WDR72: variants seen among roughly 807,000 people sequenced by gnomAD.
WDR72 encodes WD repeat-containing protein 72.
Under a neutral mutation model 124.2 loss-of-function variants are expected in WDR72, and 120 were observed. The ratio of observed to expected loss-of-function variants is 0.97; its 90% confidence interval spans 0.83 to 1.12. WDR72 has a LOEUF of 1.12. Ranked by LOEUF, WDR72 falls within the 50% of genes most tolerant of loss-of-function variation. The pLI, the probability that WDR72 is intolerant of heterozygous loss-of-function variation, is 0.00. For synonymous variants in WDR72, 452 were observed against 441.7 expected (o/e 1.02, Z -0.29); for missense variants, 1,387 against 1,278.8 (o/e 1.08, Z -1.29).
intron 1 of WDR72, among the ~76,000 whole-genome samples, chr15:53,755,084 A>G (rs906803233): frequency 1.3e-5 from 2 of 152,204 alleles, no homozygotes; most frequent in Admixed American, 1.3e-4. Flanking sequence ...TTCTATATAC[A>G]TCAACATGGA....
intron 14 of WDR72, among the ~76,000 whole-genome samples, chr15:53,651,163 A>T (rs954996000): frequency 1.1e-4 from 17 of 151,920 alleles, no homozygotes; most frequent in African/African-American, 4.1e-4. Flanking sequence ...TTCCTACTTT[A>T]GGCCTTCTGT....
chr15:53,674,486 A>G (rs551865308), intron 13 of WDR72, among the ~76,000 whole-genome samples: 2 of 152,338 alleles, frequency 1.3e-5, no homozygotes, highest in South Asian at 4.1e-4. Flanking sequence ...CAGGAAATGT[A>G]TAACTGATGG....
chr15:53,597,249 A>G lies in WDR72; in HGVS notation c.2978T>C (p.Leu993Pro), dbSNP rs1331446648. ...CATGTGTTGTTGAACTTCCGCCAAGAGAACAGCTTGTATTGCTTCAGTTAC... is the reference window on the plus strand; with the variant it reads ...CATGTGTTGTTGAACTTCCGCCAAGGGAACAGCTTGTATTGCTTCAGTTAC... ...VQVTEAIQAV[L>P]LAEVQQHMKS... The change falls in exon 18 of 20, where the codon CTC becomes CCC. Residue 993 changes from leucine to proline, a missense_variant. By Grantham distance (98) the Leu-to-Pro change is moderately conservative. Transcript: ENST00000360509. 1 of 1,613,698 alleles carries G rather than the reference A, an allele frequency of 6.2e-7. No homozygotes were observed. Among genetic ancestry groups the G allele is most frequent in the Admixed American group, 1.7e-5 (1 of 59,946 alleles).
At chr15:53,664,462 C>T (rs935596940) in intron 14 of WDR72, among the ~76,000 whole-genome samples, 1 of 151,514 alleles carries the variant, frequency 6.6e-6, no homozygotes, top group African/African-American at 2.5e-5. Context: ...AACTCTACTG[C>T]TTTGAGGCAT....
At chr15:53,734,250 T>C (rs2018285926) in intron 1 of WDR72, among the ~76,000 whole-genome samples, 1 of 152,180 alleles carries the variant, frequency 6.6e-6, no homozygotes, top group Admixed American at 6.5e-5. Context: ...ATTCAGTATC[T>C]AGTTCCCCAT....
At chr15:53,746,893 C>T (rs534129953) in intron 1 of WDR72, among the ~76,000 whole-genome samples, 1 of 152,158 alleles carries the variant, frequency 6.6e-6, no homozygotes, top group Non-Finnish European at 1.5e-5. Flanking sequence ...ATAGATAGGA[C>T]AGCAGAGTAA....
At chr15:53,647,411 GATC>G (rs1379033895) in intron 14 of WDR72, among the ~76,000 whole-genome samples, 1 of 151,974 alleles carries the variant, frequency 6.6e-6, no homozygotes, top group African/African-American at 2.4e-5. Context: ...AAGAAAATTA[GATC>G]ATCCATAATT....
chr15:53,709,818 T>G (rs971431159), intron 9 of WDR72, among the ~76,000 whole-genome samples: 2 of 152,206 alleles, frequency 1.3e-5, no homozygotes, highest in African/African-American at 4.8e-5. Flanking sequence ...ACCTCACAGA[T>G]ATGTTAAAGG....
chr15:53,607,768 G>A (rs996407561), intron 17 of WDR72, among the ~76,000 whole-genome samples: 11 of 151,912 alleles, frequency 7.2e-5, no homozygotes, highest in African/African-American at 2.7e-4. Flanking sequence ...TCTGACAAGG[G>A]ATTAATACCC....
chr15:53,730,565 G>C (rs1032858025), intron 2 of WDR72, among the ~76,000 whole-genome samples: 1 of 152,142 alleles, frequency 6.6e-6, no homozygotes, highest in African/African-American at 2.4e-5. Context: ...GAGGGGGAAA[G>C]AACTTTCCAA....
At chr15:53,531,676 T>C (rs1187389700) in intron 18 of WDR72, among the ~76,000 whole-genome samples, 1 of 151,970 alleles carries the variant, frequency 6.6e-6, no homozygotes, top group Non-Finnish European at 1.5e-5. Flanking sequence ...AACATGCACG[T>C]GGATAAAGGG....
intron 1 of WDR72, chr15:53,759,354 G>A (rs1352387320): frequency 6.6e-6 from 1 of 152,246 alleles, no homozygotes; most frequent in African/African-American, 2.4e-5. Flanking sequence ...TGCGAGATGA[G>A]CGGCTTTGTT....
chr15:53,673,245 C>T (rs2016054887), intron 13 of WDR72, among the ~76,000 whole-genome samples: 1 of 152,118 alleles, frequency 6.6e-6, no homozygotes, highest in Non-Finnish European at 1.5e-5. Context: ...AAATTACATA[C>T]TTCCTCCTAC....
At chr15:53,718,756 T>C (rs967031106) in intron 3 of WDR72, among the ~76,000 whole-genome samples, 3 of 141,102 alleles carry the variant, frequency 2.1e-5, no homozygotes, top group African/African-American at 9.5e-5. Context: ...TTTTAAAACC[T>C]TAATAAATTT....
intron 1 of WDR72, among the ~76,000 whole-genome samples, chr15:53,757,448 C>T (rs1353253473): frequency 3.9e-5 from 6 of 151,978 alleles, no homozygotes; most frequent in African/African-American, 1.5e-4. Flanking sequence ...CATAGTGAAA[C>T]CCCACCTCTA....
intron 14 of WDR72, among the ~76,000 whole-genome samples, chr15:53,660,285 T>C (rs1234832729): frequency 6.6e-6 from 1 of 152,102 alleles, no homozygotes; most frequent in Non-Finnish European, 1.5e-5. Flanking sequence ...TGGTAACATG[T>C]AGTATTGCCA....
chr15:53,593,293 G>GATTT, intron 18 of WDR72, among the ~76,000 whole-genome samples: 2 of 152,102 alleles, frequency 1.3e-5, no homozygotes, highest in Non-Finnish European at 2.9e-5. Context: ...ACTGATTTAG[G>GATTT]GCAAATTTCT....
Position 53,706,050 on chromosome 15 carries a change from C to A in WDR72, c.979G>T (p.Gly327Cys). ...NKEQSRPFVM[G>C]YMNERKEPFY... Reference sequence around the variant, plus strand: ...GGCTCTTTCCTTTCATTCATGTAGCCCATAACAAAGGGACGGCTCTGTTCC... The same window carrying A: ...GGCTCTTTCCTTTCATTCATGTAGCACATAACAAAGGGACGGCTCTGTTCC... The change falls in exon 10 of 20, where the codon GGC (glycine) becomes TGC (cysteine). Residue 327 changes from glycine (G) to cysteine (C), a missense_variant. Physicochemically the swap from Gly to Cys is radical, Grantham distance 159. Transcript: ENST00000360509. 2 of 1,613,830 alleles carry A rather than the reference C, an allele frequency of 1.2e-6. No individual in the cohort carries two copies. Among genetic ancestry groups the A allele is most frequent in the Non-Finnish European group, 8.5e-7 (1 of 1,179,948 alleles).
intron 18 of WDR72, among the ~76,000 whole-genome samples, chr15:53,528,392 A>G (rs913277648): frequency 1.3e-5 from 2 of 152,058 alleles, no homozygotes; most frequent in Non-Finnish European, 2.9e-5. Flanking sequence ...AATGCCCCCA[A>G]TTAAATTAGG....
Sources: allele counts gnomAD v4.1 joint callset (sites outside exome capture counted in the v4.1 genomes callset), GRCh38; gene constraint gnomAD v4.1.1; transcripts MANE v1.5; gene names NCBI Gene and HGNC (gene_info 2026-07-23, HGNC 2026-07-21).